WDR35: variants seen among roughly 807,000 people sequenced by gnomAD.
WDR35 encodes WD repeat domain 35.
WDR35 carries 118 observed loss-of-function variants against 158.3 expected under a neutral mutation model. The ratio of observed to expected loss-of-function variants is 0.75; its 90% CI spans 0.64 to 0.87. The LOEUF (loss-of-function observed/expected upper bound fraction) is 0.87. WDR35 is among the 40% of genes least tolerant of loss of function. WDR35 has a pLI of 0.00. For synonymous variants in WDR35, 448 were observed against 476.1 expected, an observed-to-expected ratio of 0.94 and a Z score of 0.77; for missense variants, 1,263 against 1,405.8, an observed-to-expected ratio of 0.90 and a Z score of 1.62.
At chr2:19,961,669 G>A (rs574019103) in intron 10 of WDR35, among the ~76,000 whole-genome samples, 7 of 152,258 alleles carry the variant, frequency 4.6e-5, no homozygotes, top group Admixed American at 6.5e-5. Context: ...AAAGCAGACC[G>A]CCAAGAGCAA....
At chr2:19,955,889 ACT>A (rs1244315120) in intron 11 of WDR35, among the ~76,000 whole-genome samples, 1 of 151,826 alleles carries the variant, frequency 6.6e-6, no homozygotes, top group African/African-American at 2.4e-5. Flanking sequence ...ATGCTAAATA[ACT>A]CAGTCCAACT....
intron 10 of WDR35, chr2:19,962,216 A>ATAACCTCAAAACT: frequency 2.0e-6 from 3 of 1,489,518 alleles, no homozygotes; most frequent in Non-Finnish European, 2.8e-6. Context: ...TCATATTGCT[A>ATAACCTCAAAACT]CAGTTTCTGA....
At chr2:19,984,493 G>A (rs1466916780) in intron 2 of WDR35, among the ~76,000 whole-genome samples, 2 of 152,110 alleles carry the variant, frequency 1.3e-5, no homozygotes, top group Admixed American at 1.3e-4. Context: ...GCACATAACA[G>A]TAATCCTTGG....
At chr2:19,924,936 C>A (rs867652769) in intron 25 of WDR35, among the ~76,000 whole-genome samples, 1 of 152,156 alleles carries the variant, frequency 6.6e-6, no homozygotes, top group Non-Finnish European at 1.5e-5. Flanking sequence ...GGACATTGGG[C>A]TAATCAGTGT....
At chr2:19,964,574 G>C (rs1241099688) in intron 10 of WDR35, among the ~76,000 whole-genome samples, 2 of 151,474 alleles carry the variant, frequency 1.3e-5, no homozygotes, top group Admixed American at 6.6e-5. Flanking sequence ...AGTAGAGACA[G>C]GGTTTCACCG....
chr2:19,951,779 C>A, intron 12 of WDR35: 2 of 249,974 alleles, frequency 8.0e-6, no homozygotes, highest in South Asian at 1.9e-4. Context: ...TTTTACCTTA[C>A]CCTCCACTTG....
chr2:19,931,276 CT>C lies in WDR35; in HGVS notation c.2956del (p.Ser986ValfsTer53). ...TTTAACGTGCTACTTTACCTCTGAA[CT>C]TTTTCCTTTAACTTTTCCTCGCTGG... Reference protein sequence around the residue: ...NAQRGKVKGKSSEATSALAGL... With the variant: ...NAQRGKVKGKXSEATSALAGL... On this transcript the variant is annotated frameshift_variant, in exon 24 of 27. Transcript: ENST00000281405. LOFTEE classifies it high-confidence loss of function. 2 of 1,610,906 alleles carry C rather than the reference CT, an allele frequency of 1.2e-6. No homozygotes were observed. Among genetic ancestry groups the C allele is most frequent in the Admixed American group, 1.7e-5 (1 of 59,870 alleles).
intron 16 of WDR35, 22 bp downstream of exon 16, chr2:19,945,764 A>C (rs187081507): frequency 1.2e-5 from 20 of 1,612,948 alleles, no homozygotes; most frequent in Non-Finnish European, 1.5e-5. Flanking sequence ...ATAGACTGTT[A>C]ACACTCATTT....
In WDR35 at chr2:19,935,494, G is replaced by A. The variant is rs777217654; in HGVS notation, c.2524C>T (p.Pro842Ser). ...ACTGGAAGTAACTTGTGGTTTTCTG[G>A]AAGTGAAATGGCAAGGTTCTCTAAC... ...EGLENLAISLPENHKLLPEIA... is the reference protein window; with the variant it reads ...EGLENLAISLSENHKLLPEIA... Residue 842 changes from proline (P) to serine (S), a missense_variant, in exon 21 of 27, where the codon CCA (proline) becomes TCA (serine). Pro to Ser is a moderately conservative substitution (Grantham distance 74, BLOSUM62 -1). Coordinates refer to ENST00000281405, the MANE Select transcript of WDR35 (RefSeq NM_020779.4). The A allele has an allele frequency of 2.9e-5, 47 of 1,612,826 alleles. No individual in the cohort carries two copies. The highest frequency in any genetic ancestry group is 5.0e-5 in the Admixed American group (3 of 59,934).
chr2:19,974,033 G>C (rs1475166884), intron 7 of WDR35, among the ~76,000 whole-genome samples: 1 of 152,126 alleles, frequency 6.6e-6, no homozygotes, highest in Non-Finnish European at 1.5e-5. Flanking sequence ...GGGAGGCCAA[G>C]GCTGCAGTGA....
At chr2:19,969,051 G>C (rs1042487276) in intron 9 of WDR35, among the ~76,000 whole-genome samples, 4 of 152,132 alleles carry the variant, frequency 2.6e-5, no homozygotes. Context: ...GCAGGGTCTG[G>C]GCTCCTGCAG....
chr2:19,929,444 G>C (rs978023043), intron 25 of WDR35, among the ~76,000 whole-genome samples: 4 of 152,140 alleles, frequency 2.6e-5, no homozygotes, highest in Admixed American at 1.3e-4. Flanking sequence ...GAGGAAGGGT[G>C]GGGTGTCATG....
intron 25 of WDR35, among the ~76,000 whole-genome samples, chr2:19,918,912 G>A (rs751933296): frequency 7.9e-5 from 12 of 152,032 alleles, no homozygotes; most frequent in South Asian, 4.1e-4. Flanking sequence ...AGACATCTAC[G>A]GAACTCTCCA....
intron 25 of WDR35, among the ~76,000 whole-genome samples, chr2:19,917,601 C>T (rs1670029425): frequency 6.6e-6 from 1 of 152,098 alleles, no homozygotes; most frequent in Non-Finnish European, 1.5e-5. Context: ...GAAGCATACA[C>T]AAGTATCAAT....
chr2:19,978,691 T>TA, intron 5 of WDR35, 60 bp downstream of exon 5: 2 of 1,610,778 alleles, frequency 1.2e-6, no homozygotes, highest in Non-Finnish European at 1.7e-6. Flanking sequence ...CTTAAATCTC[T>TA]AAAGAAGAAA....
In WDR35 at chr2:19,975,601, C is replaced by T. The variant is rs765629084; in HGVS notation, c.499G>A (p.Asp167Asn). The change falls in exon 6 of 27, where the codon GAC becomes AAC. Residue 167 changes from aspartate to asparagine, a missense_variant. Transcript: ENST00000281405. ...ATTCCAAAAAGTAAGACTTTACTGT[C>T]CGCAGACCATGTTACATGGGATAGC... ...IQLSHVTWSADSKVLLFGMAN... is the reference protein window; with the variant it reads ...IQLSHVTWSANSKVLLFGMAN... 1 of 1,614,086 alleles carries T rather than the reference C, an allele frequency of 6.2e-7. No homozygotes were observed. The highest frequency in any genetic ancestry group is 8.5e-7 in the Non-Finnish European group (1 of 1,179,982).
At position 19,975,787 on chromosome 2, in the gene WDR35, T is replaced by C. The variant is rs560791243; in HGVS notation, c.437-124A>G. 27 of 1,316,216 alleles carry C rather than the reference T, an allele frequency of 2.1e-5. No individual in the cohort carries two copies. The African/African-American group carries it at 3.6e-4, about 18-fold the overall frequency. The allele number at this position is 1,316,216 out of a possible 1,614,324, so 81.5% of individuals were successfully genotyped here. A position where few individuals can be genotyped will look rare whatever the true frequency, so the allele number is the denominator to read the frequency against. On this transcript the variant is annotated intron_variant, in intron 5 of 26. Transcript: ENST00000281405. ...GCATTCATGCATTCATTCAATTTAT[T>C]TGGCCAATAAATATTTACTGAGCAC...
At chr2:19,920,928 C>T (rs2118445) in intron 25 of WDR35, among the ~76,000 whole-genome samples, 12,670 of 152,224 alleles carry the variant, frequency 0.083, 742 homozygotes, top group East Asian at 0.23. Flanking sequence ...CATTCCTATA[C>T]ACCAAAAACA....
At chr2:19,974,193 G>A (rs533660088) in intron 7 of WDR35, among the ~76,000 whole-genome samples, 148 of 152,052 alleles carry the variant, frequency 9.7e-4, no homozygotes, top group African/African-American at 3.3e-3. Flanking sequence ...GGTGGATCAC[G>A]AGGTCAGGAG....
Sources: allele counts gnomAD v4.1 joint callset (sites outside exome capture counted in the v4.1 genomes callset), GRCh38; gene constraint gnomAD v4.1.1; transcripts MANE v1.5; gene names NCBI Gene and HGNC (gene_info 2026-07-23, HGNC 2026-07-21).